PSD2: variants seen among roughly 807,000 people sequenced by gnomAD.
The protein encoded by PSD2 is pleckstrin and Sec7 domain containing 2, also known as PH and SEC7 domain-containing protein 2.
A neutral mutation model predicts 69.8 loss-of-function variants in PSD2; 38 were observed. The ratio of observed to expected loss-of-function variants is 0.54; its 90% CI spans 0.42 to 0.71. The LOEUF (loss-of-function observed/expected upper bound fraction) is 0.71, where lower values mean the gene tolerates loss of function less well. Ranked by LOEUF, PSD2 falls within the 30% of genes least tolerant of loss-of-function variation. The probability of loss-of-function intolerance (pLI) is 0.00; values close to 1 mark genes in which losing one functional copy is unlikely to be tolerated. For synonymous variants in PSD2, 412 were observed against 423.0 expected (o/e 0.97, Z 0.32); for missense variants, 943 against 1,014.5 (o/e 0.93, Z 0.96).
Position 139,842,727 on chromosome 5 carries a change from AG to A in PSD2, c.*255del, listed in dbSNP as rs1363280822. 5.9e-6 allele frequency: 3 copies of A among 510,804 alleles called. No homozygotes were observed. Among genetic ancestry groups the A allele is most frequent in the African/African-American group, 3.8e-5 (2 of 52,290 alleles). The allele number at this position is 510,804 out of a possible 1,614,324, so 31.6% of individuals were successfully genotyped here. On this transcript the variant is annotated 3_prime_UTR_variant, in exon 15 of 15. Coordinates refer to ENST00000274710, the MANE Select transcript of PSD2 (RefSeq NM_032289.4). The stretch of plus-strand genomic sequence containing the variant: ...TCTCCACCATGGAGCCTCATTTTGT[AG>A]GCCAGTTGTGTGCATGCTCTAGACA...
At chr5:139,781,627 G>A in the PSD2 span, among the ~76,000 whole-genome samples, 1 of 148,342 alleles carries the variant, frequency 6.7e-6, no homozygotes, top group Non-Finnish European at 1.5e-5. Context: ...GAGCCACGGC[G>A]CCTGGCCTTT....
chr5:139,744,082 C>T, the PSD2 span, among the ~76,000 whole-genome samples: 1 of 152,226 alleles, frequency 6.6e-6, no homozygotes, highest in East Asian at 1.9e-4. Flanking sequence ...CCTCCTGGCT[C>T]TGGGAAGTTG....
the PSD2 span, among the ~76,000 whole-genome samples, chr5:139,780,399 A>G: frequency 6.6e-6 from 1 of 152,058 alleles, no homozygotes; most frequent in Non-Finnish European, 1.5e-5. Flanking sequence ...TGGAACCTGA[A>G]TGTTGTCTTT....
intron 1 of PSD2, among the ~76,000 whole-genome samples, chr5:139,800,527 G>C (rs151245430): frequency 4.3e-4 from 65 of 152,284 alleles, no homozygotes; most frequent in African/African-American, 1.6e-3. Flanking sequence ...TGCCCTCCTT[G>C]GCTTCCCAAA....
chr5:139,776,152 G>T, the PSD2 span, among the ~76,000 whole-genome samples: 3 of 152,212 alleles, frequency 2.0e-5, no homozygotes, highest in African/African-American at 4.8e-5. Flanking sequence ...ACCTCCTGCC[G>T]CTGAGGGCTG....
intron 2 of PSD2, among the ~76,000 whole-genome samples, chr5:139,811,117 C>T (rs932196902): frequency 6.6e-6 from 1 of 152,168 alleles, no homozygotes; most frequent in African/African-American, 2.4e-5. Flanking sequence ...GCCAGGGCAA[C>T]GAACCTTCTT....
At chr5:139,755,679 G>C in the PSD2 span, among the ~76,000 whole-genome samples, 1 of 150,990 alleles carries the variant, frequency 6.6e-6, no homozygotes, top group Non-Finnish European at 1.5e-5. Flanking sequence ...GCGCGCATGA[G>C]GCTCCGTGCC....
rs1228456770 is a variant in PSD2 at position 139,839,056 on chromosome 5, A to G, written c.1968+284A>G. ...ACCGAGAGTTGGTGGCCTTGTGTGC[A>G]CCTGGGCACAAATGCAAGAGACCGT... On this transcript the variant is annotated intron_variant, in intron 13 of 14. Coordinates refer to ENST00000274710, the MANE Select transcript of PSD2 (RefSeq NM_032289.4). This position sits in a 1 kb window ranked among gnomAD's most constrained non-coding sequence, Gnocchi z 5.1. 3.3e-5 allele frequency among the ~76,000 whole-genome samples: 5 copies of G among 152,218 alleles called. No homozygotes were observed. Among genetic ancestry groups the G allele is most frequent in the African/African-American group, 1.2e-4 (5 of 41,452 alleles).
chr5:139,742,882 G>A, the PSD2 span, among the ~76,000 whole-genome samples: 5 of 152,218 alleles, frequency 3.3e-5, no homozygotes, highest in African/African-American at 1.2e-4. Flanking sequence ...GGAGTGGGAG[G>A]GGGTCAGCTC....
chr5:139,822,098 T>C, intron 6 of PSD2, 93 bp downstream of exon 6: 3 of 723,554 alleles, frequency 4.1e-6, no homozygotes, highest in South Asian at 3.8e-5. Context: ...ACTTCGGTCC[T>C]GTTGCCAGGC....
At chr5:139,825,826 A>G (rs991685913) in intron 7 of PSD2, among the ~76,000 whole-genome samples, 1 of 152,188 alleles carries the variant, frequency 6.6e-6, no homozygotes, top group Non-Finnish European at 1.5e-5. Flanking sequence ...GGCTGAAGAC[A>G]GAGATGGGGT....
At chr5:139,753,920 T>A in the PSD2 span, among the ~76,000 whole-genome samples, 1 of 150,146 alleles carries the variant, frequency 6.7e-6, no homozygotes, top group Non-Finnish European at 1.5e-5. Flanking sequence ...CACCGCAAAC[T>A]CCGCCTCCCA....
At chr5:139,750,143 G>A in the PSD2 span, among the ~76,000 whole-genome samples, 1 of 151,964 alleles carries the variant, frequency 6.6e-6, no homozygotes, top group Non-Finnish European at 1.5e-5. Context: ...GGCTAACACG[G>A]TGAAACCCCG....
chr5:139,763,335 A>G, the PSD2 span, among the ~76,000 whole-genome samples: 1 of 152,060 alleles, frequency 6.6e-6, no homozygotes, highest in African/African-American at 2.4e-5. Flanking sequence ...GCATGTTTTC[A>G]TTCACTGCGC....
the PSD2 span, among the ~76,000 whole-genome samples, chr5:139,764,404 CT>C: frequency 1.3e-5 from 2 of 152,172 alleles, no homozygotes; most frequent in Admixed American, 1.3e-4. Flanking sequence ...CCGTGTGCCC[CT>C]GGGAGTGTGA....
chr5:139,789,191 A>G, the PSD2 span, among the ~76,000 whole-genome samples: 5 of 152,150 alleles, frequency 3.3e-5, no homozygotes, highest in African/African-American at 1.2e-4. Context: ...CACTCTTTGG[A>G]TACCAACTTC....
intron 14 of PSD2, among the ~76,000 whole-genome samples, chr5:139,841,386 C>A (rs895558170): frequency 6.6e-6 from 1 of 152,156 alleles, no homozygotes; most frequent in Non-Finnish European, 1.5e-5. Flanking sequence ...ATTGTATGTA[C>A]ACACCACATT....
chr5:139,814,047 A>G lies in PSD2; in HGVS notation c.822-123A>G. On this transcript the variant is annotated intron_variant, in intron 3 of 14. Coordinates refer to ENST00000274710, the MANE Select transcript of PSD2 (RefSeq NM_032289.4). The surrounding 1 kb of genome is among the most constrained non-coding windows in gnomAD (Gnocchi z 4.4). ...ATTTCATTCCCTCCGGCTGCAGTGGAGCTTCTTTCCCTGTTCTGGCCCCTA... is the reference window on the plus strand; with the variant it reads ...ATTTCATTCCCTCCGGCTGCAGTGGGGCTTCTTTCCCTGTTCTGGCCCCTA... 1.1e-6 allele frequency: 1 copy of G among 909,382 alleles called. No homozygotes were observed. The highest frequency in any genetic ancestry group is 1.7e-6 in the Non-Finnish European group (1 of 584,088). 56.3% of individuals were successfully genotyped at this position (909,382 alleles called of 1,614,324 possible).
intron 4 of PSD2, among the ~76,000 whole-genome samples, chr5:139,816,010 A>G (rs899326629): frequency 2.0e-5 from 3 of 151,196 alleles, no homozygotes; most frequent in Non-Finnish European, 2.9e-5. Flanking sequence ...AAAAAAAAAA[A>G]AAAAAAGAAA....
Sources: gnomAD v4.1 joint callset for allele counts (sites outside exome capture counted in the v4.1 genomes callset) on GRCh38, gnomAD v4.1.1 for gene constraint, Gnocchi (gnomAD v3.1) non-coding constraint, MANE v1.5 for transcripts, NCBI Gene and HGNC (gene_info 2026-07-23, HGNC 2026-07-21) for gene names.